WDPCP: variants seen among roughly 807,000 people sequenced by gnomAD.
The protein encoded by WDPCP is WD repeat containing planar cell polarity effector.
WDPCP carries 71 observed loss-of-function variants against 93.1 expected under a neutral mutation model. The observed-to-expected ratio is 0.76, with a 90% CI of 0.63 to 0.93. The LOEUF (loss-of-function observed/expected upper bound fraction) is 0.93, where lower values mean the gene tolerates loss of function less well. Among genes scored for constraint, WDPCP ranks in the 40% least tolerant of loss-of-function variants. The pLI is 0.00. For missense variants in WDPCP, 844 were observed against 887.4 expected (o/e 0.95, Z 0.62); for synonymous variants, 315 against 315.0 (o/e 1.00, Z 0.00).
intron 2 of WDPCP, among the ~76,000 whole-genome samples, chr2:63,672,026 T>C (rs1032465761): frequency 6.6e-6 from 1 of 152,144 alleles, no homozygotes; most frequent in Admixed American, 6.5e-5. Context: ...TTGATTTTAC[T>C]CCTCAAATTC....
chr2:63,120,308 A>T lies in WDPCP; in HGVS notation c.*1698T>A, dbSNP rs567664527. 1.2e-4 allele frequency among the ~76,000 whole-genome samples: 19 copies of T among 152,194 alleles called. No homozygotes were observed. The South Asian group carries it at 3.9e-3, about 32-fold the overall frequency. On this transcript the variant is annotated 3_prime_UTR_variant, in exon 18 of 18. Transcript: ENST00000272321. Reference sequence around the variant, plus strand: ...GGCTTACATGTTATGCATTATTAAAATTTTTTCAGAGCAATAACAAAATGA... The same window carrying T: ...GGCTTACATGTTATGCATTATTAAATTTTTTTCAGAGCAATAACAAAATGA...
chr2:63,219,080 C>A (rs1025315236), intron 14 of WDPCP, among the ~76,000 whole-genome samples: 1 of 152,122 alleles, frequency 6.6e-6, no homozygotes, highest in Non-Finnish European at 1.5e-5. Flanking sequence ...TGCATAGTGT[C>A]ATAAATCTTT....
intron 14 of WDPCP, among the ~76,000 whole-genome samples, chr2:63,250,245 G>A (rs1283718163): frequency 6.6e-6 from 1 of 152,156 alleles, no homozygotes; most frequent in Non-Finnish European, 1.5e-5. Flanking sequence ...TTATGGGCAG[G>A]TGGCATATAC....
At chr2:63,536,836 G>A (rs1377578791) in intron 1 of WDPCP, among the ~76,000 whole-genome samples, 3 of 140,708 alleles carry the variant, frequency 2.1e-5, no homozygotes, top group African/African-American at 8.0e-5. Context: ...CGCGATCTTG[G>A]CTCACTGCAA....
At chr2:63,246,143 A>G (rs895381670) in intron 14 of WDPCP, among the ~76,000 whole-genome samples, 3 of 152,184 alleles carry the variant, frequency 2.0e-5, no homozygotes, top group Admixed American at 2.0e-4. Flanking sequence ...CTGCTGAGAT[A>G]TATTAATACA....
At chr2:63,575,026 C>T (rs1312973895) in intron 1 of WDPCP, among the ~76,000 whole-genome samples, 3 of 151,614 alleles carry the variant, frequency 2.0e-5, no homozygotes, top group Non-Finnish European at 2.9e-5. Context: ...ACTTTTTAAC[C>T]TTATCCTTTA....
At chr2:63,659,504 C>G (rs1309872371) in intron 2 of WDPCP, among the ~76,000 whole-genome samples, 1 of 152,072 alleles carries the variant, frequency 6.6e-6, no homozygotes, top group Admixed American at 6.5e-5. Flanking sequence ...GACACACAAA[C>G]AAGAGGAGGA....
intron 2 of WDPCP, among the ~76,000 whole-genome samples, chr2:63,714,688 G>A (rs991535498): frequency 1.3e-5 from 2 of 152,094 alleles, no homozygotes; most frequent in Non-Finnish European, 2.9e-5. Flanking sequence ...AATTAGCCGG[G>A]CATGGTGGCA....
chr2:63,317,929 A>T (rs1686784518), intron 12 of WDPCP, among the ~76,000 whole-genome samples: 1 of 152,146 alleles, frequency 6.6e-6, no homozygotes, highest in African/African-American at 2.4e-5. Context: ...AAGACCAATT[A>T]AACTAAAGAA....
intron 2 of WDPCP, among the ~76,000 whole-genome samples, chr2:63,788,598 A>G (rs533623071): frequency 6.6e-6 from 1 of 152,338 alleles, no homozygotes; most frequent in African/African-American, 2.4e-5. Flanking sequence ...CATTATAATC[A>G]ACATGAATAT....
At chr2:63,451,375 C>A (rs1698235691) in intron 6 of WDPCP, among the ~76,000 whole-genome samples, 1 of 152,004 alleles carries the variant, frequency 6.6e-6, no homozygotes, top group Non-Finnish European at 1.5e-5. Flanking sequence ...ACACATACAC[C>A]CTTCCAAGAC....
At chr2:63,815,766 C>T (rs1193923916) in intron 1 of WDPCP, among the ~76,000 whole-genome samples, 1 of 152,158 alleles carries the variant, frequency 6.6e-6, no homozygotes, top group Non-Finnish European at 1.5e-5. Flanking sequence ...ATTAGTCATT[C>T]CCATATGAGA....
chr2:63,443,471 G>A (rs1193336809), intron 6 of WDPCP, among the ~76,000 whole-genome samples: 4 of 152,190 alleles, frequency 2.6e-5, no homozygotes, highest in African/African-American at 9.7e-5. Context: ...CAAAAACTCT[G>A]AGGTGGCAAT....
intron 12 of WDPCP, among the ~76,000 whole-genome samples, chr2:63,323,417 G>C (rs1467644050): frequency 6.6e-6 from 1 of 152,138 alleles, no homozygotes; most frequent in Non-Finnish European, 1.5e-5. Context: ...CCCATCGTAG[G>C]GGGGACTATC....
intron 13 of WDPCP, among the ~76,000 whole-genome samples, chr2:63,304,245 A>G (rs181396946): frequency 6.6e-6 from 1 of 152,378 alleles, no homozygotes; most frequent in African/African-American, 2.4e-5. Flanking sequence ...TGAAGTCTTC[A>G]TCAATGGTTG....
intron 6 of WDPCP, among the ~76,000 whole-genome samples, chr2:63,448,463 CA>C (rs1558648029): frequency 6.1e-4 from 93 of 151,944 alleles, no homozygotes; most frequent in African/African-American, 1.9e-3. Context: ...CACACACACA[CA>C]CACACCCTTA....
intron 14 of WDPCP, among the ~76,000 whole-genome samples, chr2:63,206,628 C>T (rs2104376480): frequency 6.6e-6 from 1 of 151,752 alleles, no homozygotes; most frequent in Admixed American, 6.6e-5. Context: ...AATTTTTGTA[C>T]TTTTTATAGA....
intron 14 of WDPCP, among the ~76,000 whole-genome samples, chr2:63,187,324 A>G (rs1300609438): frequency 1.3e-5 from 2 of 152,050 alleles, no homozygotes; most frequent in Middle Eastern, 3.2e-3. Flanking sequence ...TTTAGCCAAT[A>G]TGTCTTTTGG....
chr2:63,350,839 T>C lies in WDPCP; in HGVS notation c.1748+27547A>G, dbSNP rs550563978. ...GCTTTGTTTACCTACTAAATGCAAA[T>C]AGCCAATTTATATACTTTTTAGACC... On this transcript the variant is annotated intron_variant, in intron 12 of 17. Transcript: ENST00000272321. 9.9e-5 allele frequency among the ~76,000 whole-genome samples: 15 copies of C among 152,276 alleles called. 1 individual carries two copies. The highest frequency in any genetic ancestry group is 3.4e-4 in the African/African-American group (14 of 41,560).
Sources: allele counts gnomAD v4.1 joint callset (sites outside exome capture counted in the v4.1 genomes callset), GRCh38; gene constraint gnomAD v4.1.1; transcripts MANE v1.5; gene names NCBI Gene and HGNC (gene_info 2026-07-23, HGNC 2026-07-21).